The following MYH11 variants were observed in gnomAD, a reference collection of about 807,000 sequenced individuals.
MYH11 encodes myosin-11.
In MYH11, 80 loss-of-function variants were observed where a neutral mutation model predicts 246.6. That is an observed-to-expected ratio of 0.32 (90% CI 0.27 to 0.39). The LOEUF (loss-of-function observed/expected upper bound fraction) is 0.39, where lower values mean the gene tolerates loss of function less well. MYH11 is among the 10% of genes least tolerant of loss of function. The probability of loss-of-function intolerance (pLI) is 1.00; values close to 1 mark genes in which losing one functional copy is unlikely to be tolerated. For synonymous variants in MYH11, 1,071 were observed against 1,015.5 expected, an observed-to-expected ratio of 1.05 and a Z score of -1.04; for missense variants, 2,158 against 2,546.8, an observed-to-expected ratio of 0.85 and a Z score of 3.29.
At chr16:15,855,385 T>C (rs950144118) in intron 1 of MYH11, among the ~76,000 whole-genome samples, 2 of 152,194 alleles carry the variant, frequency 1.3e-5, no homozygotes, top group African/African-American at 2.4e-5. Context: ...GTTGGAAGCA[T>C]TTAGTCCCAC....
chr16:15,773,399 TC>T (rs1183273279), intron 8 of MYH11, among the ~76,000 whole-genome samples: 1 of 150,628 alleles, frequency 6.6e-6, no homozygotes, highest in Non-Finnish European at 1.5e-5. Flanking sequence ...CAAGCAATTC[TC>T]CTGCCTCTCG....
intron 2 of MYH11, among the ~76,000 whole-genome samples, chr16:15,829,838 C>A (rs2043681281): frequency 6.6e-6 from 1 of 152,094 alleles, no homozygotes; most frequent in Non-Finnish European, 1.5e-5. Flanking sequence ...CACTGGCTTT[C>A]AGACACACAG....
At chr16:15,774,446 T>C (rs895200313) in intron 8 of MYH11, among the ~76,000 whole-genome samples, 3 of 152,336 alleles carry the variant, frequency 2.0e-5, no homozygotes, top group Admixed American at 6.5e-5. Context: ...TCAACATTTT[T>C]CCCTGGCCCA....
intron 22 of MYH11, 92 bp downstream of exon 22, chr16:15,741,371 A>C (rs142683189): frequency 4.5e-5 from 60 of 1,345,560 alleles, no homozygotes; most frequent in Middle Eastern, 4.6e-4. Flanking sequence ...CTGTCCCAGC[A>C]GGGACACATA....
chr16:15,705,055 C>CT (rs2039375037), intron 40 of MYH11, among the ~76,000 whole-genome samples: 1 of 152,224 alleles, frequency 6.6e-6, no homozygotes, highest in African/African-American at 2.4e-5. Flanking sequence ...TCTTGGCTCA[C>CT]TGCAACCTCT....
rs2041920957 is a variant in MYH11 at position 15,763,790 on chromosome 16, A to G, written c.1129+6T>C. 9 of 1,344,902 alleles carry G rather than the reference A, an allele frequency of 6.7e-6. 1 individual carries two copies. The South Asian group carries it at 1.0e-4, about 15-fold the overall frequency. 83.3% of individuals were successfully genotyped at this position (1,344,902 alleles called of 1,614,324 possible). A position where few individuals can be genotyped will look rare whatever the true frequency, so the allele number is the denominator to read the frequency against. On this transcript the variant is annotated splice_donor_region_variant and intron_variant, in intron 10 of 40. Coordinates refer to ENST00000300036, the MANE Select transcript of MYH11 (RefSeq NM_002474.3). Reference sequence around the variant, plus strand: ...TCATTGGTCATCAGGAAAAAGTGGCAAGTACCTGTGTTATCTGGCATGGAC... The same window carrying G: ...TCATTGGTCATCAGGAAAAAGTGGCGAGTACCTGTGTTATCTGGCATGGAC...
intron 14 of MYH11, among the ~76,000 whole-genome samples, chr16:15,753,839 A>G (rs1206666132): frequency 6.6e-6 from 1 of 152,084 alleles, no homozygotes; most frequent in Non-Finnish European, 1.5e-5. Context: ...AAGAGATTTC[A>G]TGACGGCAGA....
rs576289301 is a variant in MYH11 at position 15,822,746 on chromosome 16, C to G, written c.502+509G>C. ...AATAAAACAATAGTAAAAATAATAA[C>G]GTATAAACATGAAAGTAATAGGCAC... On this transcript the variant is annotated intron_variant, in intron 3 of 40. Coordinates refer to ENST00000300036, the MANE Select transcript of MYH11 (RefSeq NM_002474.3). Among the ~76,000 whole-genome samples the G allele has an allele frequency of 7.2e-5, 11 of 152,100 alleles. 1 individual carries two copies. The South Asian group carries it at 2.1e-3, about 29-fold the overall frequency.
intron 23 of MYH11, among the ~76,000 whole-genome samples, chr16:15,739,139 G>A (rs1408666499): frequency 1.3e-5 from 2 of 149,352 alleles, no homozygotes; most frequent in Admixed American, 6.7e-5. Flanking sequence ...TCACTCTGTC[G>A]CCCAGGGTGG....
chr16:15,840,421 A>G (rs902732366), intron 1 of MYH11, among the ~76,000 whole-genome samples: 1 of 152,100 alleles, frequency 6.6e-6, no homozygotes, highest in Admixed American at 6.6e-5. Context: ...CCCACACATT[A>G]TATGTATTAA....
intron 40 of MYH11, among the ~76,000 whole-genome samples, chr16:15,707,959 CAAAAAAAAAAA>C (rs59081092): frequency 8.6e-6 from 1 of 115,968 alleles, no homozygotes; most frequent in African/African-American, 3.3e-5. Context: ...GACTCCGTCT[CAAAAAAAAAAA>C]AAAAAAAAAG....
At chr16:15,803,973 C>G (rs2042950824) in intron 3 of MYH11, among the ~76,000 whole-genome samples, 1 of 152,156 alleles carries the variant, frequency 6.6e-6, no homozygotes, top group South Asian at 2.1e-4. Context: ...TGCTGTCTGC[C>G]AACCCGTGTG....
chr16:15,712,093 G>A (rs1260307176), intron 40 of MYH11, among the ~76,000 whole-genome samples: 3 of 152,206 alleles, frequency 2.0e-5, no homozygotes, highest in African/African-American at 7.2e-5. Context: ...GGTTTGTGAT[G>A]TGAATTGTTG....
rs1180093092 is a variant in MYH11 at position 15,838,181 on chromosome 16, T to C, written c.72A>G (p.Pro24=). The C allele has an allele frequency of 1.2e-6, 2 of 1,614,134 alleles. No individual in the cohort carries two copies. The highest frequency in any genetic ancestry group is 8.5e-7 in the Non-Finnish European group (1 of 1,180,024). Residue 24 remains proline, a synonymous_variant, in exon 2 of 41, where the codon CCA becomes CCG. Transcript: ENST00000300036. ...LFVDKNFINS[P]VAQADWAAKR... is the part of the protein sequence containing the mutation. ...TGGCGGCCCAGTCAGCCTGGGCCAC[T>C]GGGCTGTTGATGAAGTTTTTGTCCA...
chr16:15,717,056 T>C (rs1453013351), intron 38 of MYH11, 84 bp downstream of exon 38: 3 of 1,420,334 alleles, frequency 2.1e-6, no homozygotes, highest in African/African-American at 1.4e-5. Context: ...GAACTGATGC[T>C]GGAAGAGGTT....
intron 38 of MYH11, 104 bp from the exon 39 acceptor site, chr16:15,715,376 A>T (rs2040069397): frequency 2.0e-6 from 2 of 987,474 alleles, no homozygotes; most frequent in African/African-American, 3.2e-5. Context: ...TGAGCCCCGT[A>T]TCTGGACTCC....
chr16:15,849,775 AAG>A, intron 1 of MYH11, among the ~76,000 whole-genome samples: 1 of 152,248 alleles, frequency 6.6e-6, no homozygotes, highest in South Asian at 2.1e-4. Flanking sequence ...GAGCACAAAC[AAG>A]CTAATCATTA....
chr16:15,794,289 C>G (rs965444460), intron 4 of MYH11, among the ~76,000 whole-genome samples: 1 of 152,186 alleles, frequency 6.6e-6, no homozygotes, highest in Non-Finnish European at 1.5e-5. Context: ...TTGGCTCCAG[C>G]CTGGCTTCTC....
intron 2 of MYH11, among the ~76,000 whole-genome samples, chr16:15,827,245 G>A (rs1211285269): frequency 6.6e-6 from 1 of 152,178 alleles, no homozygotes; most frequent in Non-Finnish European, 1.5e-5. Context: ...CGTAAGAACA[G>A]AGAATGATAG....
Sources: gnomAD v4.1 joint callset for allele counts (sites outside exome capture counted in the v4.1 genomes callset) on GRCh38, gnomAD v4.1.1 for gene constraint, MANE v1.5 for transcripts, NCBI Gene and HGNC (gene_info 2026-07-23, HGNC 2026-07-21) for gene names.